The following NRG1 variants were observed in gnomAD, a reference collection of about 807,000 sequenced individuals.
NRG1 encodes the protein pro-neuregulin-1, membrane-bound isoform.
NRG1 carries 18 observed loss-of-function variants against 63.8 expected under a neutral mutation model. The observed-to-expected ratio is 0.28, with a 90% CI of 0.19 to 0.42. The LOEUF (loss-of-function observed/expected upper bound fraction) is 0.42. Ranked by LOEUF, NRG1 falls within the 10% of genes least tolerant of loss-of-function variation. NRG1 has a pLI of 1.00. For missense variants in NRG1, 762 were observed against 814.7 expected, an observed-to-expected ratio of 0.94 and a Z score of 0.79; for synonymous variants, 302 against 301.3, an observed-to-expected ratio of 1.00 and a Z score of -0.02.
intron 1 of NRG1, among the ~76,000 whole-genome samples, chr8:31,847,284 A>G (rs1339097206): frequency 3.3e-5 from 5 of 150,228 alleles, no homozygotes; most frequent in Admixed American, 6.7e-5. Context: ...AAGTTTACCT[A>G]AGACTTTAAA....
At chr8:32,443,280 A>G (rs1339226916) in intron 1 of NRG1, among the ~76,000 whole-genome samples, 1 of 152,080 alleles carries the variant, frequency 6.6e-6, no homozygotes, top group Non-Finnish European at 1.5e-5. Context: ...GAGCCTTTCC[A>G]TTTGTCTTTT....
chr8:31,821,735 G>A (rs760915086), intron 1 of NRG1, among the ~76,000 whole-genome samples: 3 of 151,830 alleles, frequency 2.0e-5, no homozygotes, highest in Admixed American at 6.6e-5. Context: ...AAAACACAGC[G>A]GGAATCCAAA....
intron 1 of NRG1, among the ~76,000 whole-genome samples, chr8:32,101,279 T>G (rs1403570344): frequency 6.6e-6 from 1 of 152,154 alleles, no homozygotes; most frequent in Non-Finnish European, 1.5e-5. Context: ...CAGGTTTCAG[T>G]ACCTGGGGCT....
chr8:32,163,316 C>A (rs1478650133), intron 1 of NRG1, among the ~76,000 whole-genome samples: 1 of 152,134 alleles, frequency 6.6e-6, no homozygotes, highest in Non-Finnish European at 1.5e-5. Context: ...TTCCAGCCCT[C>A]AAGGGAACTG....
At chr8:32,121,638 TTTTG>T (rs1409967736) in intron 1 of NRG1, among the ~76,000 whole-genome samples, 6 of 152,188 alleles carry the variant, frequency 3.9e-5, no homozygotes, top group African/African-American at 7.2e-5. Flanking sequence ...TGGAGCATTG[TTTTG>T]TTTGTTTGTT....
intron 1 of NRG1, among the ~76,000 whole-genome samples, chr8:32,157,148 AT>A (rs1309975708): frequency 6.6e-6 from 1 of 150,408 alleles, no homozygotes; most frequent in East Asian, 2.0e-4. Flanking sequence ...AGGCGGGCGG[AT>A]CACTTGAAGT....
chr8:32,052,308 C>T (rs1822117542), intron 1 of NRG1, among the ~76,000 whole-genome samples: 1 of 124,486 alleles, frequency 8.0e-6, no homozygotes, highest in Admixed American at 9.6e-5. Context: ...CAAGATCTTG[C>T]TCTGTTACCC....
At chr8:31,982,723 T>A (rs1473747972) in intron 1 of NRG1, among the ~76,000 whole-genome samples, 1 of 152,080 alleles carries the variant, frequency 6.6e-6, no homozygotes, top group Admixed American at 6.6e-5. Context: ...AAGTCTCTGA[T>A]GGTGTGGAGG....
intron 1 of NRG1, among the ~76,000 whole-genome samples, chr8:31,900,416 G>T (rs924982363): frequency 3.1e-4 from 47 of 152,296 alleles, no homozygotes; most frequent in African/African-American, 1.1e-3. Context: ...AGATAAGGAT[G>T]TCCCATTCTT....
At chr8:32,249,533 A>G (rs1012912260) in intron 1 of NRG1, among the ~76,000 whole-genome samples, 5 of 152,110 alleles carry the variant, frequency 3.3e-5, no homozygotes, top group African/African-American at 1.2e-4. Context: ...CACCCATAAG[A>G]TACAAGATCT....
intron 1 of NRG1, among the ~76,000 whole-genome samples, chr8:32,270,196 G>C (rs1851400155): frequency 6.6e-6 from 1 of 152,186 alleles, no homozygotes; most frequent in South Asian, 2.1e-4. Flanking sequence ...AAAGTAATGA[G>C]ACGTTTTGCT....
At chr8:32,623,910 C>T (rs1041118444) in intron 5 of NRG1, among the ~76,000 whole-genome samples, 4 of 152,042 alleles carry the variant, frequency 2.6e-5, no homozygotes, top group Non-Finnish European at 5.9e-5. Flanking sequence ...TTGAAATTAA[C>T]GCTTTACAGA....
At chr8:32,586,935 G>T (rs1477154686) in intron 1 of NRG1, among the ~76,000 whole-genome samples, 1 of 152,178 alleles carries the variant, frequency 6.6e-6, no homozygotes, top group African/African-American at 2.4e-5. Context: ...AGGTATGGTG[G>T]CTGACACTTA....
At chr8:31,994,260 T>A (rs1180205440) in intron 1 of NRG1, among the ~76,000 whole-genome samples, 1 of 151,900 alleles carries the variant, frequency 6.6e-6, no homozygotes, top group African/African-American at 2.4e-5. Context: ...ACCCAATGGA[T>A]GGACACTGGG....
At chr8:32,571,046 T>G (rs540137069) in intron 1 of NRG1, among the ~76,000 whole-genome samples, 1 of 152,312 alleles carries the variant, frequency 6.6e-6, no homozygotes, top group African/African-American at 2.4e-5. Flanking sequence ...CTGCGCCTGG[T>G]TAGGTCCTAG....
intron 1 of NRG1, among the ~76,000 whole-genome samples, chr8:31,693,735 G>C (rs1042553344): frequency 6.6e-6 from 1 of 152,120 alleles, no homozygotes; most frequent in Non-Finnish European, 1.5e-5. Context: ...GATACTTTCA[G>C]GTATTTATGA....
intron 1 of NRG1, among the ~76,000 whole-genome samples, chr8:32,371,992 A>ATTTTTTTTTT (rs60780562): frequency 5.4e-5 from 7 of 129,416 alleles, no homozygotes; most frequent in African/African-American, 2.0e-4. Flanking sequence ...CTTCTTCTTC[A>ATTTTTTTTTT]TTTTTTTTTT....
At chr8:31,846,245 AT>A (rs1181842742) in intron 1 of NRG1, among the ~76,000 whole-genome samples, 1 of 152,256 alleles carries the variant, frequency 6.6e-6, no homozygotes, top group Non-Finnish European at 1.5e-5. Context: ...CAAAGTGAGA[AT>A]AACTCGATGA....
At chr8:32,419,771 G>A (rs924130449) in intron 1 of NRG1, among the ~76,000 whole-genome samples, 1 of 152,106 alleles carries the variant, frequency 6.6e-6, no homozygotes. Flanking sequence ...AGAATAACTA[G>A]TACAACATAA....
Sources: allele counts gnomAD v4.1 joint callset (sites outside exome capture counted in the v4.1 genomes callset), GRCh38; gene constraint gnomAD v4.1.1; transcripts MANE v1.5; gene names NCBI Gene and HGNC (gene_info 2026-07-23, HGNC 2026-07-21).